Variants in USP1 observed in about 807,000 individuals in gnomAD.
USP1 encodes ubiquitin carboxyl-terminal hydrolase 1.
USP1 carries 18 observed loss-of-function variants against 72.2 expected under a neutral mutation model. The ratio of observed to expected loss-of-function variants is 0.25; its 90% CI spans 0.17 to 0.37. The LOEUF (loss-of-function observed/expected upper bound fraction) is 0.37, where lower values mean the gene tolerates loss of function less well. Among genes scored for constraint, USP1 ranks in the 10% least tolerant of loss-of-function variants. The pLI, the probability that USP1 is intolerant of heterozygous loss-of-function variation, is 1.00. For missense variants in USP1, 759 were observed against 884.9 expected, an observed-to-expected ratio of 0.86 and a Z score of 1.81; for synonymous variants, 354 against 303.7, an observed-to-expected ratio of 1.17 and a Z score of -1.72.
chr1:62,448,210 A>G (rs1645189749), intron 7 of USP1, among the ~76,000 whole-genome samples: 1 of 152,248 alleles, frequency 6.6e-6, no homozygotes, highest in African/African-American at 2.4e-5. Flanking sequence ...AAAGTTGGCA[A>G]TTAAATGTAA....
At position 62,450,301 on chromosome 1, in the gene USP1, C is replaced by T; in HGVS notation, c.1678C>T (p.Leu560Phe). 6.2e-7 allele frequency: 1 copy of T among 1,614,144 alleles called. No individual in the cohort carries two copies. Among genetic ancestry groups the T allele is most frequent in the Non-Finnish European group, 8.5e-7 (1 of 1,180,022 alleles). Reference sequence around the variant, plus strand: ...GATCAACACTCCTTTATTGACACCTCTTAAATTGTCACTAGAAGAATGGAG... The same window carrying T: ...GATCAACACTCCTTTATTGACACCTTTTAAATTGTCACTAGAAGAATGGAG... ...SKINTPLLTP[L>F]KLSLEEWSTK... is the part of the protein sequence containing the mutation. Residue 560 changes from leucine to phenylalanine, a missense_variant, in exon 9 of 9, where the codon CTT (leucine) becomes TTT (phenylalanine). By Grantham distance (22) the Leu-to-Phe change is conservative. Coordinates refer to ENST00000339950, the MANE Select transcript of USP1 (RefSeq NM_003368.5).
chr1:62,450,160 G>C, intron 8 of USP1, 86 bp from the exon 9 acceptor site: 4 of 1,499,930 alleles, frequency 2.7e-6, no homozygotes, highest in East Asian at 2.3e-5. Context: ...GGTTCATTCA[G>C]ATTTTTACTT....
intron 7 of USP1, among the ~76,000 whole-genome samples, chr1:62,448,224 G>C (rs1013622907): frequency 3.3e-5 from 5 of 152,210 alleles, no homozygotes; most frequent in African/African-American, 9.7e-5. Flanking sequence ...AATGTAAACA[G>C]ACTAGGCTTA....
intron 8 of USP1, among the ~76,000 whole-genome samples, chr1:62,449,944 G>A (rs1455149349): frequency 2.0e-5 from 3 of 150,438 alleles, no homozygotes; most frequent in South Asian, 2.1e-4. Flanking sequence ...TTTTGGTTCC[G>A]GTTCAGTCTA....
At chr1:62,449,118 A>C (rs1227156772) in intron 8 of USP1, among the ~76,000 whole-genome samples, 1 of 152,126 alleles carries the variant, frequency 6.6e-6, no homozygotes, top group East Asian at 1.9e-4. Context: ...TTCTGGACTC[A>C]AGCAATCCAC....
chr1:62,451,082 G>T lies in USP1; in HGVS notation c.*101G>T. On this transcript the variant is annotated 3_prime_UTR_variant, in exon 9 of 9. Transcript: ENST00000339950. The stretch of plus-strand genomic sequence containing the variant: ...CTTTAGCTTATCTTTTGAAGCTACT[G>T]GATATTATTGGTCTCTCTAGGTTTT... 8.5e-7 allele frequency: 1 copy of T among 1,174,384 alleles called. No homozygotes were observed. Among genetic ancestry groups the T allele is most frequent in the Non-Finnish European group, 1.2e-6 (1 of 860,512 alleles). 72.7% of individuals were successfully genotyped at this position (1,174,384 alleles called of 1,614,324 possible).
chr1:62,440,089 G>C, intron 2 of USP1, 52 bp downstream of exon 2: 1 of 1,361,322 alleles, frequency 7.3e-7, no homozygotes, highest in Admixed American at 2.9e-5. Flanking sequence ...AAGCAGCAGT[G>C]AACTTGGTTG....
In USP1 at chr1:62,451,012, AAC is replaced by A. The variant is rs772579570; in HGVS notation, c.*36_*37del. The stretch of plus-strand genomic sequence containing the variant: ...GTGTATTTTCCTTGTGTATATATTA[AAC>A]ACACCCATACAAACATTGGTAAAGT... On this transcript the variant is annotated 3_prime_UTR_variant, in exon 9 of 9. Transcript: ENST00000339950. The A allele has an allele frequency of 6.6e-7, 1 of 1,520,140 alleles. No individual in the cohort carries two copies. The highest frequency in any genetic ancestry group is 8.8e-7 in the Non-Finnish European group (1 of 1,140,718). 94.2% of individuals were successfully genotyped at this position (1,520,140 alleles called of 1,614,324 possible). A position where few individuals can be genotyped will look rare whatever the true frequency, so the allele number is the denominator to read the frequency against.
rs749089486 is a variant in USP1 at position 62,450,929 on chromosome 1, C to G, written c.2306C>G (p.Pro769Arg). Residue 769 changes from proline to arginine, a missense_variant, in exon 9 of 9, where the codon CCT (proline) becomes CGT (arginine). By Grantham distance (103) the Pro-to-Arg change is moderately radical. Transcript: ENST00000339950. The part of the protein sequence containing the change: ...EEKDFLNSLS[P>R]STSPTSTPYL... The stretch of plus-strand genomic sequence containing the variant: ...AAGGACTTTCTGAATTCTCTTTCCC[C>G]TTCTACATCTCCTACTTCTACTCCT... 2 of 1,611,240 alleles carry G rather than the reference C, an allele frequency of 1.2e-6. No homozygotes were observed. The highest frequency in any genetic ancestry group is 1.7e-5 in the Admixed American group (1 of 59,400).
rs370324199 is a variant in USP1, at chr1:62,443,141, G to T, written c.397-18G>T. 1.2e-6 allele frequency: 2 copies of T among 1,604,866 alleles called. No homozygotes were observed. Among genetic ancestry groups the T allele is most frequent in the Non-Finnish European group, 8.5e-7 (1 of 1,176,592 alleles). On this transcript the variant is annotated intron_variant, in intron 4 of 8. Transcript: ENST00000339950. Reference sequence around the variant, plus strand: ...TTTGTTCATAAAATTATTGGTTTGTGTGTTTCTTTCTTGACAGGGAAATTG... The same window carrying T: ...TTTGTTCATAAAATTATTGGTTTGTTTGTTTCTTTCTTGACAGGGAAATTG...
At position 62,445,200 on chromosome 1, in the gene USP1, T is replaced by C. The variant is rs1270453282; in HGVS notation, c.1020T>C (p.Asn340=). Residue 340 remains asparagine, a synonymous_variant, in exon 6 of 9, where the codon AAT becomes AAC. Transcript: ENST00000339950. ...AAAAGAAATCAAGAGTTAAAATAAA[T>C]TGGTTAAAGTCTGCAACTAAGCAAC... ...PSQKKSRVKI[N]WLKSATKQPS... The C allele has an allele frequency of 1.9e-6, 3 of 1,611,000 alleles. No individual in the cohort carries two copies. The highest frequency in any genetic ancestry group is 2.2e-5 in the East Asian group (1 of 44,794).
chr1:62,445,366 C>G lies in USP1; in HGVS notation c.1186C>G (p.Leu396Val), dbSNP rs778716076. The change falls in exon 6 of 9, where the codon CTT (leucine) becomes GTT (valine). Residue 396 changes from leucine (L) to valine (V), a missense_variant. This residue lies in a region of USP1 where 245 missense variants were observed against 240.7 expected (regional missense o/e 1.02). Coordinates refer to ENST00000339950, the MANE Select transcript of USP1 (RefSeq NM_003368.5). ...ESDNTTNGCG[L>V]ESPGNTVTPV... ...TGATAACACAACTAATGGTTGTGGA[C>G]TTGAATCTCCAGGAAATACTGTTAC... 1 of 1,605,456 alleles carries G rather than the reference C, an allele frequency of 6.2e-7. No homozygotes were observed. Among genetic ancestry groups the G allele is most frequent in the East Asian group, 2.2e-5 (1 of 44,798 alleles).
chr1:62,440,686 T>C (rs1401130803), intron 2 of USP1, among the ~76,000 whole-genome samples: 3 of 152,166 alleles, frequency 2.0e-5, no homozygotes, highest in African/African-American at 7.2e-5. Context: ...CAATAACCAG[T>C]TGAGGAGATT....
Position 62,445,136 on chromosome 1 carries a change from C to G in USP1, c.956C>G (p.Pro319Arg). 6.2e-7 allele frequency: 1 copy of G among 1,613,088 alleles called. No individual in the cohort carries two copies. The highest frequency in any genetic ancestry group is 8.5e-7 in the Non-Finnish European group (1 of 1,179,808). Residue 319 changes from proline to arginine, a missense_variant, in exon 6 of 9, where the codon CCC (proline) becomes CGC (arginine). Physicochemically the swap from Pro to Arg is moderately radical, Grantham distance 103. Coordinates refer to ENST00000339950, the MANE Select transcript of USP1 (RefSeq NM_003368.5). ...DTLESPPKII[P>R]KYISENESPR... is the part of the protein sequence containing the mutation. ...TTAGAGAGTCCTCCTAAAATAATTC[C>G]CAAGTATATTTCTGAAAATGAGAGT...
In USP1 at chr1:62,450,644, G is replaced by T. The variant is rs769691062; in HGVS notation, c.2021G>T (p.Ser674Ile). The T allele has an allele frequency of 6.2e-7, 1 of 1,614,130 alleles. No homozygotes were observed. Among genetic ancestry groups the T allele is most frequent in the Non-Finnish European group, 8.5e-7 (1 of 1,180,000 alleles). The part of the protein sequence containing the change: ...EAIGLLGGQK[S>I]KADYELYNKA... ...ATTGGACTTCTTGGAGGACAAAAGAGCAAAGCAGATTATGAGCTATACAAC... is the reference window on the plus strand; with the variant it reads ...ATTGGACTTCTTGGAGGACAAAAGATCAAAGCAGATTATGAGCTATACAAC... The change falls in exon 9 of 9, where the codon AGC (serine) becomes ATC (isoleucine). Residue 674 changes from serine to isoleucine, a missense_variant. Physicochemically the swap from Ser to Ile is moderately radical, Grantham distance 142. This residue lies in a region of USP1 where 159 missense variants were observed against 140.9 expected (regional missense o/e 1.13). Transcript: ENST00000339950.
intron 1 of USP1, among the ~76,000 whole-genome samples, chr1:62,438,159 T>A (rs1645105068): frequency 6.6e-6 from 1 of 152,146 alleles, no homozygotes; most frequent in African/African-American, 2.4e-5. Context: ...GTTTTTTGAT[T>A]AAGCTGACGA....
At chr1:62,436,787 C>T (rs151272997), upstream of USP1, 56 of 239,104 alleles carry the variant, frequency 2.3e-4, no homozygotes, top group Non-Finnish European at 4.0e-4. Flanking sequence ...CTCGCGCGCG[C>T]CCTCAGCGAG....
chr1:62,441,739 T>C, intron 3 of USP1, 131 bp downstream of exon 3: 1 of 1,057,244 alleles, frequency 9.5e-7, no homozygotes, highest in East Asian at 2.8e-5. Flanking sequence ...TAAACCAGAA[T>C]AGGCTAAAAT....
At chr1:62,446,176 TTG>T (rs1425762217) in intron 6 of USP1, among the ~76,000 whole-genome samples, 9 of 152,174 alleles carry the variant, frequency 5.9e-5, no homozygotes. Flanking sequence ...TGCTGTTTCA[TTG>T]TGTGAATTTC....
Sources: allele counts gnomAD v4.1 joint callset (sites outside exome capture counted in the v4.1 genomes callset), GRCh38; gene constraint gnomAD v4.1.1; regional missense constraint gnomAD v4.1.1; transcripts MANE v1.5; gene names NCBI Gene and HGNC (gene_info 2026-07-23, HGNC 2026-07-21).